The following DPP10 variants were observed in gnomAD, a reference collection of about 807,000 sequenced individuals.
The protein encoded by DPP10 is inactive dipeptidyl peptidase 10.
In DPP10, 33 loss-of-function variants were observed where a neutral mutation model predicts 120.9. That is an observed-to-expected ratio of 0.27 (90% CI 0.21 to 0.37). The LOEUF (loss-of-function observed/expected upper bound fraction) is 0.37, where lower values mean the gene tolerates loss of function less well. Among genes scored for constraint, DPP10 ranks in the 10% least tolerant of loss-of-function variants. The pLI is 1.00. For missense variants in DPP10, 816 were observed against 942.8 expected (o/e 0.87, Z 1.76); for synonymous variants, 337 against 326.1 (o/e 1.03, Z -0.36).
At chr2:115,081,909 T>C (rs980965463) in intron 1 of DPP10, among the ~76,000 whole-genome samples, 1 of 152,228 alleles carries the variant, frequency 6.6e-6, no homozygotes, top group Admixed American at 6.5e-5. Context: ...GAATTCTGCA[T>C]TAGATTTTGA....
intron 3 of DPP10, among the ~76,000 whole-genome samples, chr2:115,373,832 A>C (rs1404405776): frequency 1.3e-5 from 2 of 151,632 alleles, no homozygotes; most frequent in Non-Finnish European, 2.9e-5. Flanking sequence ...GGAAACTTAC[A>C]ATTCGGGCAG....
chr2:114,813,192 A>T lies in DPP10; in HGVS notation c.60+370354A>T, dbSNP rs1685331375. Among the ~76,000 whole-genome samples the T allele has an allele frequency of 2.0e-5, 3 of 152,306 alleles. 1 individual carries two copies. The South Asian group carries it at 6.2e-4, about 32-fold the overall frequency. The stretch of plus-strand genomic sequence containing the variant: ...TGCTTGAAACAATGATTTTTTGATA[A>T]TGAGTGAGCACTCTGAATTGAAAAT... On this transcript the variant is annotated intron_variant, in intron 1 of 25. Transcript: ENST00000410059.
At chr2:115,644,179 A>G (rs2087024704) in intron 5 of DPP10, among the ~76,000 whole-genome samples, 1 of 152,008 alleles carries the variant, frequency 6.6e-6, no homozygotes, top group African/African-American at 2.4e-5. Flanking sequence ...TATTTTTATT[A>G]TACTTTAAGT....
chr2:114,884,378 G>A (rs1691883828), intron 1 of DPP10, among the ~76,000 whole-genome samples: 1 of 152,082 alleles, frequency 6.6e-6, no homozygotes, highest in African/African-American at 2.4e-5. Flanking sequence ...TGTATTGGCG[G>A]GTTTGCATTC....
intron 3 of DPP10, among the ~76,000 whole-genome samples, chr2:115,437,724 G>T (rs1049022710): frequency 2.0e-5 from 3 of 151,930 alleles, no homozygotes; most frequent in Non-Finnish European, 2.9e-5. Context: ...ATTATATTAA[G>T]AATATGACTA....
intron 1 of DPP10, among the ~76,000 whole-genome samples, chr2:115,182,292 A>T: frequency 6.6e-6 from 1 of 152,308 alleles, no homozygotes; most frequent in South Asian, 2.1e-4. Context: ...GAAGTTGGTT[A>T]TTATGGCCAC....
At chr2:114,462,881 A>G (rs1679047858) in intron 1 of DPP10, among the ~76,000 whole-genome samples, 1 of 152,160 alleles carries the variant, frequency 6.6e-6, no homozygotes, top group South Asian at 2.1e-4. Context: ...GACTTTATTC[A>G]ATCACATATT....
chr2:114,654,914 T>G (rs924796944), intron 1 of DPP10, among the ~76,000 whole-genome samples: 1 of 152,188 alleles, frequency 6.6e-6, no homozygotes, highest in Non-Finnish European at 1.5e-5. Context: ...GTTCTGTTTC[T>G]CAAAAATGGG....
intron 1 of DPP10, among the ~76,000 whole-genome samples, chr2:114,991,491 A>C (rs918047531): frequency 4.6e-5 from 7 of 152,246 alleles, no homozygotes; most frequent in Non-Finnish European, 7.3e-5. Context: ...ATATGGATAA[A>C]GACTAGAAAT....
intron 1 of DPP10, among the ~76,000 whole-genome samples, chr2:114,488,838 C>T (rs944720455): frequency 6.6e-6 from 1 of 152,046 alleles, no homozygotes; most frequent in Non-Finnish European, 1.5e-5. Flanking sequence ...GAAGCATAGG[C>T]TTATGCTCTG....
chr2:114,643,243 G>T (rs1052422107), intron 1 of DPP10, among the ~76,000 whole-genome samples: 2 of 151,886 alleles, frequency 1.3e-5, no homozygotes, highest in African/African-American at 2.4e-5. Flanking sequence ...CTCATGAAGG[G>T]TCCTTCAAAC....
At chr2:115,114,123 C>A (rs2104698101) in intron 1 of DPP10, among the ~76,000 whole-genome samples, 1 of 152,234 alleles carries the variant, frequency 6.6e-6, no homozygotes, top group South Asian at 2.1e-4. Context: ...AACTTGCCAG[C>A]TCCCCAAACA....
chr2:115,379,490 T>G (rs976537724), intron 3 of DPP10, among the ~76,000 whole-genome samples: 1 of 152,188 alleles, frequency 6.6e-6, no homozygotes, highest in African/African-American at 2.4e-5. Flanking sequence ...TTGTTGATCC[T>G]TTCAAAAAAC....
chr2:115,224,463 A>G (rs1244082263), intron 1 of DPP10, among the ~76,000 whole-genome samples: 3 of 152,126 alleles, frequency 2.0e-5, no homozygotes, highest in Non-Finnish European at 4.4e-5. Flanking sequence ...GTTTCCTCAT[A>G]TAAGCGAGAT....
intron 3 of DPP10, among the ~76,000 whole-genome samples, chr2:115,431,576 T>G (rs1393169640): frequency 6.6e-6 from 1 of 152,168 alleles, no homozygotes; most frequent in Admixed American, 6.6e-5. Flanking sequence ...CACCACTCTT[T>G]AGAGCTTTAG....
At position 115,169,438 on chromosome 2, in the gene DPP10, TAC is replaced by T. The variant is rs1218597491; in HGVS notation, c.61-139793_61-139792del. Among the ~76,000 whole-genome samples the T allele has an allele frequency of 2.7e-5, 4 of 149,274 alleles. No individual in the cohort carries two copies. The East Asian group carries it at 5.8e-4, about 22-fold the overall frequency. Reference sequence around the variant, plus strand: ...ACCATTATCAAATATATACACACTATACACACACATATATATATATTTATGAT... The same window carrying T: ...ACCATTATCAAATATATACACACTATACACACATATATATATATTTATGAT... On this transcript the variant is annotated intron_variant, in intron 1 of 25. Transcript: ENST00000410059.
At chr2:115,085,395 A>C (rs1435523615) in intron 1 of DPP10, among the ~76,000 whole-genome samples, 2 of 152,082 alleles carry the variant, frequency 1.3e-5, no homozygotes, top group African/African-American at 4.8e-5. Flanking sequence ...CAGGTTAAAT[A>C]TTGCCTCTTA....
At chr2:114,671,924 T>A (rs1383937720) in intron 1 of DPP10, among the ~76,000 whole-genome samples, 2 of 152,128 alleles carry the variant, frequency 1.3e-5, no homozygotes, top group Non-Finnish European at 2.9e-5. Flanking sequence ...TTTTCTCACA[T>A]TCTACTGTTG....
intron 1 of DPP10, among the ~76,000 whole-genome samples, chr2:114,685,050 C>T (rs551835273): frequency 2.0e-5 from 3 of 152,106 alleles, no homozygotes; most frequent in African/African-American, 4.8e-5. Flanking sequence ...TGTACATGAA[C>T]TTTCTGCATC....
Sources: gnomAD v4.1 joint callset for allele counts (sites outside exome capture counted in the v4.1 genomes callset) on GRCh38, gnomAD v4.1.1 for gene constraint, MANE v1.5 for transcripts, NCBI Gene and HGNC (gene_info 2026-07-23, HGNC 2026-07-21) for gene names.